The following OPCML variants were observed in gnomAD, a reference collection of about 807,000 sequenced individuals.
OPCML encodes opioid-binding protein/cell adhesion molecule.
A neutral mutation model predicts 37.8 loss-of-function variants in OPCML; 13 were observed. That is an observed-to-expected ratio of 0.34 (90% confidence interval 0.22 to 0.55). The LOEUF (loss-of-function observed/expected upper bound fraction) is 0.55. OPCML is among the 20% of genes least tolerant of loss of function. The pLI is 0.91. For missense variants in OPCML, 341 were observed against 435.6 expected (o/e 0.78, Z 1.93); for synonymous variants, 176 against 168.8 (o/e 1.04, Z -0.33).
chr11:133,499,561 C>T (rs535641441), intron 1 of OPCML, among the ~76,000 whole-genome samples: 3 of 151,804 alleles, frequency 2.0e-5, no homozygotes, highest in South Asian at 2.1e-4. Flanking sequence ...TTTTGAGGCT[C>T]TTTGTGGGCT....
intron 2 of OPCML, among the ~76,000 whole-genome samples, chr11:132,676,096 T>C (rs533589488): frequency 1.3e-5 from 2 of 152,254 alleles, no homozygotes; most frequent in African/African-American, 2.4e-5. Flanking sequence ...GATAAACATA[T>C]AGATCAATGG....
intron 1 of OPCML, among the ~76,000 whole-genome samples, chr11:133,277,360 T>C (rs147293999): frequency 6.8e-4 from 103 of 152,130 alleles, no homozygotes; most frequent in African/African-American, 2.3e-3. Context: ...AAACATTTTA[T>C]AGAAAATAAA....
intron 1 of OPCML, among the ~76,000 whole-genome samples, chr11:133,140,765 A>AC (rs1337926149): frequency 3.1e-5 from 4 of 128,756 alleles, no homozygotes; most frequent in Non-Finnish European, 6.4e-5. Flanking sequence ...GAAGACGACG[A>AC]AGAAGAAGAA....
At chr11:133,242,983 A>G (rs375447957) in intron 1 of OPCML, among the ~76,000 whole-genome samples, 6 of 152,324 alleles carry the variant, frequency 3.9e-5, no homozygotes, top group Admixed American at 3.3e-4. Context: ...CAAATGTTAC[A>G]CCGTGGTCTC....
intron 3 of OPCML, among the ~76,000 whole-genome samples, chr11:132,612,960 G>T (rs1223728558): frequency 2.0e-5 from 3 of 152,172 alleles, no homozygotes; most frequent in Non-Finnish European, 2.9e-5. Context: ...TCAGAGGATG[G>T]TTAGAGGAAA....
chr11:132,884,195 C>T (rs576851968), intron 2 of OPCML, among the ~76,000 whole-genome samples: 1 of 152,226 alleles, frequency 6.6e-6, no homozygotes, highest in East Asian at 1.9e-4. Context: ...TAACGATTGT[C>T]CTTTGGGTGT....
chr11:132,694,321 C>T lies in OPCML; in HGVS notation c.147-37002G>A, dbSNP rs567601584. Among the ~76,000 whole-genome samples, 3 of 151,208 alleles carry T rather than the reference C, an allele frequency of 2.0e-5. No homozygotes were observed. The East Asian group carries it at 5.9e-4, about 30-fold the overall frequency. On this transcript the variant is annotated intron_variant, in intron 2 of 7. Transcript: ENST00000524381. Reference sequence around the variant, plus strand: ...TCAAGCGATTCCCCTGCCTCAGCCTCCCAAATAGCTGGGACTACTGGTGCG... The same window carrying T: ...TCAAGCGATTCCCCTGCCTCAGCCTTCCAAATAGCTGGGACTACTGGTGCG...
At chr11:132,427,287 T>A (rs1225871171) in intron 7 of OPCML, among the ~76,000 whole-genome samples, 1 of 152,228 alleles carries the variant, frequency 6.6e-6, no homozygotes, top group Non-Finnish European at 1.5e-5. Context: ...ATGAACTGTG[T>A]GACCTTCCTA....
At position 133,248,561 on chromosome 11, in the gene OPCML, C is replaced by A. The variant is rs1941027926; in HGVS notation, c.61+283703G>T. ...TCTGTGGTGTTAAATTGTTTCCCTG[C>A]AGCTGTGCTCAGAATCCTGATGTAG... On this transcript the variant is annotated intron_variant, in intron 1 of 7. Transcript: ENST00000524381. Among the ~76,000 whole-genome samples, 11 of 152,316 alleles carry A rather than the reference C, an allele frequency of 7.2e-5. No individual in the cohort carries two copies. In the South Asian group the frequency reaches 2.3e-3, roughly 32 times the overall value.
At chr11:132,811,204 C>T (rs1348386854) in intron 2 of OPCML, among the ~76,000 whole-genome samples, 3 of 152,120 alleles carry the variant, frequency 2.0e-5, no homozygotes, top group African/African-American at 4.8e-5. Context: ...GAACTCATTT[C>T]GTCTCTAGGT....
At chr11:133,342,840 C>G (rs1943905245) in intron 1 of OPCML, among the ~76,000 whole-genome samples, 1 of 152,094 alleles carries the variant, frequency 6.6e-6, no homozygotes, top group Non-Finnish European at 1.5e-5. Context: ...CTCATGGTAC[C>G]TTAGGCCTTC....
At chr11:133,493,163 C>G (rs907192559) in intron 1 of OPCML, among the ~76,000 whole-genome samples, 4 of 152,312 alleles carry the variant, frequency 2.6e-5, no homozygotes, top group Middle Eastern at 3.4e-3. Context: ...AGAAGGCCAC[C>G]CCCATCCTGG....
At chr11:133,429,461 G>A (rs1946072839) in intron 1 of OPCML, among the ~76,000 whole-genome samples, 1 of 152,188 alleles carries the variant, frequency 6.6e-6, no homozygotes, top group Admixed American at 6.5e-5. Flanking sequence ...CAGAGGCATG[G>A]CAGGATCTGA....
rs536399136 is a variant in OPCML at position 132,496,990 on chromosome 11, G to A, written c.505+32071C>T. Among the ~76,000 whole-genome samples the A allele has an allele frequency of 3.9e-5, 6 of 152,176 alleles. No individual in the cohort carries two copies. The South Asian group carries it at 1.0e-3, about 26-fold the overall frequency. On this transcript the variant is annotated intron_variant, in intron 4 of 7. Transcript: ENST00000524381. ...ACAATGATGCTGGAGAAAATATTCA[G>A]TGTGTGTCAGTATGTCTCTGTGTGT...
intron 1 of OPCML, among the ~76,000 whole-genome samples, chr11:133,427,490 A>C (rs1592286836): frequency 6.6e-6 from 1 of 152,224 alleles, no homozygotes; most frequent in South Asian, 2.1e-4. Flanking sequence ...CAAATCTTAA[A>C]TGCTTTACTA....
chr11:133,411,742 G>T (rs528704164), intron 1 of OPCML, among the ~76,000 whole-genome samples: 1 of 152,334 alleles, frequency 6.6e-6, no homozygotes, highest in East Asian at 1.9e-4. Context: ...AGCCCAGGGT[G>T]TAGCTCGAAA....
intron 2 of OPCML, among the ~76,000 whole-genome samples, chr11:132,879,727 T>A (rs191475290): frequency 6.6e-6 from 1 of 152,326 alleles, no homozygotes; most frequent in Non-Finnish European, 1.5e-5. Context: ...TAATGAATTA[T>A]CTATAAGACT....
intron 2 of OPCML, among the ~76,000 whole-genome samples, chr11:132,756,461 T>G (rs1191469500): frequency 6.6e-6 from 1 of 152,178 alleles, no homozygotes; most frequent in Non-Finnish European, 1.5e-5. Context: ...ATTGTCAAAA[T>G]CATCATCATC....
At chr11:132,690,021 A>G (rs755740055) in intron 2 of OPCML, among the ~76,000 whole-genome samples, 1 of 152,234 alleles carries the variant, frequency 6.6e-6, no homozygotes, top group Non-Finnish European at 1.5e-5. Flanking sequence ...TGGACCTTCT[A>G]TGTGACAGTA....
Sources: gnomAD v4.1 joint callset for allele counts (sites outside exome capture counted in the v4.1 genomes callset) on GRCh38, gnomAD v4.1.1 for gene constraint, MANE v1.5 for transcripts, NCBI Gene and HGNC (gene_info 2026-07-23, HGNC 2026-07-21) for gene names.